Variants in SRBD1 observed in about 807,000 individuals in gnomAD.
SRBD1 encodes the protein S1 RNA binding domain 1.
SRBD1 carries 88 observed loss-of-function variants against 115.3 expected under a neutral mutation model. That is an observed-to-expected ratio of 0.76 (90% CI 0.64 to 0.91). SRBD1 has a LOEUF of 0.91. Ranked by LOEUF, SRBD1 falls within the 40% of genes least tolerant of loss-of-function variation. The pLI is 0.00. For synonymous variants in SRBD1, 509 were observed against 407.7 expected (o/e 1.25, Z -2.99); for missense variants, 1,385 against 1,177.4 (o/e 1.18, Z -2.58).
intron 2 of SRBD1, among the ~76,000 whole-genome samples, chr2:45,603,333 C>T (rs980074566): frequency 6.6e-6 from 1 of 152,168 alleles, no homozygotes; most frequent in African/African-American, 2.4e-5. Context: ...GCACTCACCC[C>T]TTAGAGCATA....
intron 16 of SRBD1, among the ~76,000 whole-genome samples, chr2:45,468,832 C>T (rs1466193589): frequency 6.6e-6 from 1 of 152,156 alleles, no homozygotes; most frequent in African/African-American, 2.4e-5. Context: ...AGTGGTGGTA[C>T]CAATTTATAC....
chr2:45,490,899 A>C (rs1292632231), intron 14 of SRBD1, among the ~76,000 whole-genome samples: 2 of 152,200 alleles, frequency 1.3e-5, no homozygotes, highest in Non-Finnish European at 2.9e-5. Flanking sequence ...AGTAAATTTC[A>C]TATGCTTTAC....
Position 45,488,316 on chromosome 2 carries a change from T to G in SRBD1, c.1890A>C (p.Ala630=). ...LDVVYCIVSE[A]GASIYSVSPE... ...GGCTGACACTGTAGATTGATGCTCC[T>G]GCTTCACTGACGATACTGAGAAGAC... Residue 630 remains alanine (A), a synonymous_variant, in exon 15 of 21, where the codon GCA becomes GCC. Transcript: ENST00000263736. 3 of 1,613,826 alleles carry G rather than the reference T, an allele frequency of 1.9e-6. No homozygotes were observed. The highest frequency in any genetic ancestry group is 2.5e-6 in the Non-Finnish European group (3 of 1,179,838).
In SRBD1 at chr2:45,389,041, A is replaced by AT. The variant is rs1387446502; in HGVS notation, c.*268_*269insA. ...AAGGAGTTAAAGATAAATTACAAAA[A>AT]ATAAAAAACAAAATTTTAGTCAGAA... On this transcript the variant is annotated 3_prime_UTR_variant, in exon 21 of 21. Transcript: ENST00000263736. The AT allele has an allele frequency of 5.2e-6, 2 of 380,980 alleles. No individual in the cohort carries two copies. Among genetic ancestry groups the AT allele is most frequent in the African/African-American group, 4.1e-5 (2 of 48,710 alleles). 23.6% of individuals were successfully genotyped at this position (380,980 alleles called of 1,614,324 possible).
intron 19 of SRBD1, among the ~76,000 whole-genome samples, chr2:45,410,304 T>C (rs1667561488): frequency 6.6e-6 from 1 of 152,218 alleles, no homozygotes; most frequent in African/African-American, 2.4e-5. Context: ...AAATGTGAAA[T>C]GGTACGACCA....
At chr2:45,502,828 T>A (rs1670678004) in intron 14 of SRBD1, among the ~76,000 whole-genome samples, 1 of 150,696 alleles carries the variant, frequency 6.6e-6, no homozygotes, top group Admixed American at 6.6e-5. Context: ...TAAAGTATAA[T>A]AAATTAAAAA....
intron 14 of SRBD1, among the ~76,000 whole-genome samples, chr2:45,545,647 T>C (rs1025391181): frequency 6.6e-6 from 1 of 152,156 alleles, no homozygotes; most frequent in Non-Finnish European, 1.5e-5. Flanking sequence ...AGATCCACCG[T>C]ATTTCCCAGG....
chr2:45,473,479 G>T (rs1669712900), intron 16 of SRBD1, among the ~76,000 whole-genome samples: 1 of 152,104 alleles, frequency 6.6e-6, no homozygotes, highest in Non-Finnish European at 1.5e-5. Context: ...CTTTTTGGAA[G>T]GGAGTACTTC....
intron 16 of SRBD1, among the ~76,000 whole-genome samples, chr2:45,453,354 G>A (rs531114396): frequency 6.6e-6 from 1 of 151,570 alleles, no homozygotes; most frequent in Non-Finnish European, 1.5e-5. Flanking sequence ...ACTCCTTGGT[G>A]GCCCCTCCAG....
chr2:45,547,402 A>G, intron 13 of SRBD1, 120 bp downstream of exon 13: 2 of 807,986 alleles, frequency 2.5e-6, no homozygotes, highest in South Asian at 1.8e-5. Flanking sequence ...ACTGTTTTAT[A>G]TGGTTTATTG....
At chr2:45,401,254 T>G (rs1667284875) in intron 19 of SRBD1, among the ~76,000 whole-genome samples, 1 of 152,166 alleles carries the variant, frequency 6.6e-6, no homozygotes, top group African/African-American at 2.4e-5. Context: ...GAGTACAGCC[T>G]GGGCAACATA....
intron 20 of SRBD1, among the ~76,000 whole-genome samples, 182 bp from the exon 21 acceptor site, chr2:45,389,781 A>G (rs944218680): frequency 1.3e-5 from 2 of 152,220 alleles, no homozygotes; most frequent in Non-Finnish European, 2.9e-5. Context: ...AGTTGGAGAC[A>G]GCATTCATGC....
At chr2:45,570,734 G>A (rs1282594355) in intron 9 of SRBD1, among the ~76,000 whole-genome samples, 3 of 152,216 alleles carry the variant, frequency 2.0e-5, no homozygotes, top group Admixed American at 6.5e-5. Context: ...GACAGCCCAC[G>A]TTCCTAGGGC....
At chr2:45,488,426 AAATAAC>A in intron 14 of SRBD1, 95 bp from the exon 15 acceptor site, 1 of 965,494 alleles carries the variant, frequency 1.0e-6, no homozygotes, top group South Asian at 1.5e-5. Context: ...AGAAAAAAAA[AAATAAC>A]AGGGCAAACT....
intron 19 of SRBD1, among the ~76,000 whole-genome samples, chr2:45,407,402 G>A (rs565733133): frequency 5.9e-5 from 9 of 152,180 alleles, no homozygotes; most frequent in Admixed American, 2.0e-4. Flanking sequence ...CCCCTATTTG[G>A]AAATGAGTTC....
chr2:45,432,198 G>T (rs1374976422), intron 16 of SRBD1, among the ~76,000 whole-genome samples: 1 of 151,856 alleles, frequency 6.6e-6, no homozygotes, highest in African/African-American at 2.4e-5. Context: ...CGCAGCTAAT[G>T]TTGTATTTTT....
chr2:45,462,175 C>A (rs898598137), intron 16 of SRBD1, among the ~76,000 whole-genome samples: 1 of 152,190 alleles, frequency 6.6e-6, no homozygotes, highest in Non-Finnish European at 1.5e-5. Context: ...CAGCGAATCA[C>A]GCTGTGGTTA....
At chr2:45,493,152 T>A (rs975378234) in intron 14 of SRBD1, among the ~76,000 whole-genome samples, 1 of 152,210 alleles carries the variant, frequency 6.6e-6, no homozygotes, top group Non-Finnish European at 1.5e-5. Context: ...GTTTTAAAAA[T>A]AATTTATCTA....
chr2:45,513,209 C>G lies in SRBD1; in HGVS notation c.1875-24878G>C, dbSNP rs1671022335. On this transcript the variant is annotated intron_variant, in intron 14 of 20. Transcript: ENST00000263736. The stretch of plus-strand genomic sequence containing the variant: ...ATCCATAGGATAGCATGCCAGAGAG[C>G]TGGACAGATCTTTCCCCACATTCTT... Among the ~76,000 whole-genome samples, 4 of 152,122 alleles carry G rather than the reference C, an allele frequency of 2.6e-5. No individual in the cohort carries two copies. The South Asian group carries it at 8.3e-4, about 31-fold the overall frequency.
Sources: allele counts gnomAD v4.1 joint callset (sites outside exome capture counted in the v4.1 genomes callset), GRCh38; gene constraint gnomAD v4.1.1; transcripts MANE v1.5; gene names NCBI Gene and HGNC (gene_info 2026-07-23, HGNC 2026-07-21).